Variants in CRLS1 observed in about 807,000 individuals in gnomAD.
CRLS1 encodes the protein cardiolipin synthase (CMP-forming).
A neutral mutation model predicts 37.0 loss-of-function variants in CRLS1; 24 were observed. That is an observed-to-expected ratio of 0.65 (90% CI 0.47 to 0.91). The LOEUF is 0.91. CRLS1 is among the 40% of genes least tolerant of loss of function. CRLS1 has a pLI of 0.00. For missense variants in CRLS1, 373 were observed against 395.8 expected, an observed-to-expected ratio of 0.94 and a Z score of 0.49; for synonymous variants, 135 against 159.7, an observed-to-expected ratio of 0.85 and a Z score of 1.17.
In CRLS1 at chr20:6,006,212, CGCCGCCCGAGACCCCGCG is replaced by C; in HGVS notation, c.-32_-15del. The C allele has an allele frequency of 8.4e-7, 1 of 1,185,742 alleles. No individual in the cohort carries two copies. Among genetic ancestry groups the C allele is most frequent in the Non-Finnish European group, 1.1e-6 (1 of 949,828 alleles). 73.5% of individuals were successfully genotyped at this position (1,185,742 alleles called of 1,614,324 possible). A position where few individuals can be genotyped will look rare whatever the true frequency, so the allele number is the denominator to read the frequency against. On this transcript the variant is annotated 5_prime_UTR_variant, in exon 1 of 7. Coordinates refer to ENST00000378863, the MANE Select transcript of CRLS1 (RefSeq NM_019095.6). ...CCAGTGTCCCAGGCTGCTGAGCTCT[CGCCGCCCGAGACCCCGCG>C]GCGCGGCCGCAGGGCCATGCTAGCC... is the stretch of plus-strand genomic sequence containing the variant.
intron 1 of CRLS1, among the ~76,000 whole-genome samples, chr20:6,008,310 GA>G (rs1048631576): frequency 4.0e-5 from 6 of 151,886 alleles, no homozygotes; most frequent in African/African-American, 1.2e-4. Context: ...ACACAGCGGA[GA>G]AAAAAAATCT....
At chr20:6,036,246 A>G (rs929275701) in intron 6 of CRLS1, among the ~76,000 whole-genome samples, 4 of 152,346 alleles carry the variant, frequency 2.6e-5, no homozygotes, top group Admixed American at 1.3e-4. Context: ...CACTGCGTCC[A>G]GCTAGAAATA....
At chr20:6,035,503 AT>A (rs1165694875) in intron 6 of CRLS1, among the ~76,000 whole-genome samples, 1 of 150,988 alleles carries the variant, frequency 6.6e-6, no homozygotes, top group Non-Finnish European at 1.5e-5. Context: ...TTTTGACAGT[AT>A]TTTTTTCCCC....
chr20:6,013,345 C>T (rs1978487811), intron 2 of CRLS1, among the ~76,000 whole-genome samples: 1 of 151,446 alleles, frequency 6.6e-6, no homozygotes, highest in Admixed American at 6.6e-5. Context: ...CCACTGTGCC[C>T]AGTGAATTTT....
chr20:6,029,553 T>G (rs915420890), intron 3 of CRLS1, among the ~76,000 whole-genome samples: 8 of 152,128 alleles, frequency 5.3e-5, no homozygotes, highest in African/African-American at 1.9e-4. Context: ...GAGATGGGGC[T>G]TCTCCGTGTT....
rs975202546 is a variant in CRLS1, at chr20:6,020,103, T to G, written c.574+4613T>G. The stretch of plus-strand genomic sequence containing the variant: ...GATATATTTTAAGTAATCCACTATA[T>G]CAAAAATATTGTCATTTTAACATGT... On this transcript the variant is annotated intron_variant, in intron 3 of 6. Coordinates refer to ENST00000378863, the MANE Select transcript of CRLS1 (RefSeq NM_019095.6). Among the ~76,000 whole-genome samples, 6 of 152,324 alleles carry G rather than the reference T, an allele frequency of 3.9e-5. No individual in the cohort carries two copies. The South Asian group carries it at 8.3e-4, about 21-fold the overall frequency.
At chr20:6,008,280 G>A (rs1159934857) in intron 1 of CRLS1, among the ~76,000 whole-genome samples, 1 of 152,174 alleles carries the variant, frequency 6.6e-6, no homozygotes, top group African/African-American at 2.4e-5. Context: ...AAGTCCCATG[G>A]AGTGGAATTG....
At chr20:6,028,413 TTTA>T (rs1979895900) in intron 3 of CRLS1, 1 of 151,828 alleles carries the variant, frequency 6.6e-6, no homozygotes, top group African/African-American at 2.4e-5. Context: ...TTATTTTATT[TTTA>T]TTATTTTATT....
chr20:6,023,026 C>T (rs972997296), intron 3 of CRLS1, among the ~76,000 whole-genome samples: 11 of 152,094 alleles, frequency 7.2e-5, no homozygotes, highest in African/African-American at 1.4e-4. Flanking sequence ...GTAGCTGTAC[C>T]AAATCTATTT....
At chr20:6,036,721 GAGTCCTTCTGGAGGATGA>G (rs1482314099) in intron 6 of CRLS1, among the ~76,000 whole-genome samples, 2 of 151,764 alleles carry the variant, frequency 1.3e-5, no homozygotes, top group Admixed American at 6.6e-5. Context: ...TCTGGAGGAT[GAGTCCTTCTGGAGGATGA>G]AGTCCTTCTG....
chr20:6,011,900 CCCAAAG>C (rs895052311), intron 2 of CRLS1, among the ~76,000 whole-genome samples: 1 of 151,818 alleles, frequency 6.6e-6, no homozygotes. Context: ...CTTCTTTTAT[CCCAAAG>C]CCTGCATTCA....
rs1193278532 is a variant in CRLS1 at position 6,038,250 on chromosome 20, A to G, written c.*1092A>G. ...GATATGGGGAAGGGGAGAAGAAGAC[A>G]GTCCAGTGGTGACTAGTTGCTGCTG... On this transcript the variant is annotated 3_prime_UTR_variant, in exon 7 of 7. Transcript: ENST00000378863. 6.6e-6 allele frequency: 1 copy of G among 152,202 alleles called. No individual in the cohort carries two copies. The highest frequency in any genetic ancestry group is 1.5e-5 in the Non-Finnish European group (1 of 68,062). 9.4% of individuals were successfully genotyped at this position (152,202 alleles called of 1,614,324 possible).
At position 6,037,427 on chromosome 20, in the gene CRLS1, A is replaced by G. The variant is rs1035453628; in HGVS notation, c.*269A>G. On this transcript the variant is annotated 3_prime_UTR_variant, in exon 7 of 7. Coordinates refer to ENST00000378863, the MANE Select transcript of CRLS1 (RefSeq NM_019095.6). ...TTCTTGATTAATTTATAAGAGATCA[A>G]TTATTGTCAGTCTTTTTTGTATGTT... 14 of 248,226 alleles carry G rather than the reference A, an allele frequency of 5.6e-5. No individual in the cohort carries two copies. The highest frequency in any genetic ancestry group is 9.1e-5 in the Non-Finnish European group (12 of 131,816). 15.4% of individuals were successfully genotyped at this position (248,226 alleles called of 1,614,324 possible).
chr20:6,023,677 A>G (rs1979449772), intron 3 of CRLS1, among the ~76,000 whole-genome samples: 3 of 146,560 alleles, frequency 2.0e-5, no homozygotes, highest in African/African-American at 7.6e-5. Context: ...CAACATTACC[A>G]TTCCCCACCT....
chr20:6,013,252 G>A (rs6053828), intron 2 of CRLS1, among the ~76,000 whole-genome samples: 12,277 of 138,260 alleles, frequency 0.089, 819 homozygotes, highest in African/African-American at 0.2. Context: ...GATAAATCTC[G>A]TGTTGCCCAG....
In CRLS1 at chr20:6,037,822, G is replaced by A. The variant is rs1001379138; in HGVS notation, c.*664G>A. 4.6e-5 allele frequency: 7 copies of A among 152,322 alleles called. No individual in the cohort carries two copies. The highest frequency in any genetic ancestry group is 1.7e-4 in the African/African-American group (7 of 41,574). 9.4% of individuals were successfully genotyped at this position (152,322 alleles called of 1,614,324 possible). ...AGGATAACAGGTAACAAAGATAGTCGAGATAGGAGAACGTGTCTATTAGTC... is the reference window on the plus strand; with the variant it reads ...AGGATAACAGGTAACAAAGATAGTCAAGATAGGAGAACGTGTCTATTAGTC... On this transcript the variant is annotated 3_prime_UTR_variant, in exon 7 of 7. Transcript: ENST00000378863.
In CRLS1 at chr20:6,031,342, A is replaced by T; in HGVS notation, c.632A>T (p.Tyr211Phe). The T allele has an allele frequency of 1.9e-5, 31 of 1,609,790 alleles. No homozygotes were observed. The highest frequency in any genetic ancestry group is 2.6e-5 in the Non-Finnish European group (31 of 1,177,920). ...RDVMLIAAVFYVRYRTLPTPR... is the reference protein window; with the variant it reads ...RDVMLIAAVFFVRYRTLPTPR... Reference sequence around the variant, plus strand: ...GTAATGTTGATTGCTGCTGTTTTTTATGTCAGATACCGAACTCTTCCAACA... The same window carrying T: ...GTAATGTTGATTGCTGCTGTTTTTTTTGTCAGATACCGAACTCTTCCAACA... Residue 211 changes from tyrosine to phenylalanine, a missense_variant, in exon 4 of 7, where the codon TAT (tyrosine) becomes TTT (phenylalanine). Transcript: ENST00000378863.
At chr20:6,012,798 A>G (rs191765640) in intron 2 of CRLS1, among the ~76,000 whole-genome samples, 19 of 152,276 alleles carry the variant, frequency 1.2e-4, no homozygotes, top group Non-Finnish European at 1.2e-4. Flanking sequence ...AGGGTCAGAG[A>G]AATGAGCAAC....
At position 6,006,350 on chromosome 20, in the gene CRLS1, T is replaced by A. The variant is rs986847488; in HGVS notation, c.104T>A (p.Leu35Gln). ...PSKRRACWAL[L>Q]PPVPCCLGCL... ...AAGCGACGCGCCTGCTGGGCCCTGC[T>A]GCCGCCCGTGCCCTGCTGCTTGGGC... is the stretch of plus-strand genomic sequence containing the variant. The change falls in exon 1 of 7, where the codon CTG becomes CAG. Residue 35 changes from leucine to glutamine, a missense_variant. By Grantham distance (113) the Leu-to-Gln change is moderately radical. Transcript: ENST00000378863. The A allele has an allele frequency of 2.9e-6, 4 of 1,383,030 alleles. No homozygotes were observed. Among genetic ancestry groups the A allele is most frequent in the Non-Finnish European group, 3.8e-6 (4 of 1,065,168 alleles). 85.7% of individuals were successfully genotyped at this position (1,383,030 alleles called of 1,614,324 possible).
Sources: allele counts gnomAD v4.1 joint callset (sites outside exome capture counted in the v4.1 genomes callset), GRCh38; gene constraint gnomAD v4.1.1; transcripts MANE v1.5; gene names NCBI Gene and HGNC (gene_info 2026-07-23, HGNC 2026-07-21).